The following CACNA1C variants were observed in gnomAD, a reference collection of about 807,000 sequenced individuals.
The protein encoded by CACNA1C is voltage-dependent L-type calcium channel subunit alpha-1C.
A neutral mutation model predicts 229.0 loss-of-function variants in CACNA1C; 30 were observed. The observed-to-expected ratio is 0.13, with a 90% CI of 0.10 to 0.18. CACNA1C has a LOEUF of 0.18. Among genes scored for constraint, CACNA1C ranks in the 10% least tolerant of loss-of-function variants. The probability of loss-of-function intolerance (pLI) is 1.00; values close to 1 mark genes in which losing one functional copy is unlikely to be tolerated. For synonymous variants in CACNA1C, 1,114 were observed against 1,132.5 expected, an observed-to-expected ratio of 0.98 and a Z score of 0.33; for missense variants, 1,658 against 2,845.0, an observed-to-expected ratio of 0.58 and a Z score of 9.49.
intron 3 of CACNA1C, among the ~76,000 whole-genome samples, chr12:2,372,159 C>T (rs2097886631): frequency 6.6e-6 from 1 of 152,102 alleles, no homozygotes; most frequent in Non-Finnish European, 1.5e-5. Context: ...ACAGATGGGA[C>T]CCCCAAGTTT....
rs189961135 is a variant in CACNA1C, at chr12:2,589,336, T to G, written c.2530+3432T>G. Reference sequence around the variant, plus strand: ...GGGGATACTCAGGGGTCAGGCTGCTTTGACTGTGTGGTCAGCAAAGGCTTC... The same window carrying G: ...GGGGATACTCAGGGGTCAGGCTGCTGTGACTGTGTGGTCAGCAAAGGCTTC... On this transcript the variant is annotated intron_variant, in intron 18 of 46. Transcript: ENST00000399655. Among the ~76,000 whole-genome samples the G allele has an allele frequency of 1.6e-3, 241 of 152,332 alleles. 1 individual carries two copies. The highest frequency in any genetic ancestry group is 5.6e-3 in the African/African-American group (233 of 41,570).
At chr12:2,222,088 A>G (rs960519299) in intron 3 of CACNA1C, 1 of 152,226 alleles carries the variant, frequency 6.6e-6, no homozygotes, top group Non-Finnish European at 1.5e-5. Flanking sequence ...CAAAATTACA[A>G]ATTATTTTAT....
intron 3 of CACNA1C, among the ~76,000 whole-genome samples, chr12:2,431,979 A>G (rs2099090133): frequency 6.6e-6 from 1 of 152,222 alleles, no homozygotes; most frequent in East Asian, 1.9e-4. Context: ...ACCAGAGGAT[A>G]AGGCCGTGAA....
In CACNA1C at chr12:1,971,137, G is replaced by A; in HGVS notation, c.75G>A (p.Glu25=). The change falls in exon 1 of 47, where the codon GAG becomes GAA. Residue 25 remains glutamate, a synonymous_variant. Transcript: ENST00000682462. The surrounding 1 kb of genome is among the most constrained non-coding windows in gnomAD (Gnocchi z 4.2). ...CCAGCCACCTGTCTGCCAACACGGA[G>A]GTCAAGTTTAAGGGTACTTTGGTGC... The A allele has an allele frequency of 7.8e-7, 1 of 1,289,408 alleles. No individual in the cohort carries two copies. The highest frequency in any genetic ancestry group is 1.0e-6 in the Non-Finnish European group (1 of 988,530). 79.9% of individuals were successfully genotyped at this position (1,289,408 alleles called of 1,614,324 possible). A position where few individuals can be genotyped will look rare whatever the true frequency, so the allele number is the denominator to read the frequency against.
intron 3 of CACNA1C, among the ~76,000 whole-genome samples, chr12:2,235,147 C>T (rs1256341352): frequency 6.6e-6 from 1 of 152,242 alleles, no homozygotes; most frequent in Non-Finnish European, 1.5e-5. Flanking sequence ...CTCCCAGCCC[C>T]TTCGGCCTGC....
chr12:2,377,818 C>A (rs1297902931), intron 3 of CACNA1C, among the ~76,000 whole-genome samples: 1 of 152,200 alleles, frequency 6.6e-6, no homozygotes, highest in Non-Finnish European at 1.5e-5. Context: ...CCTGGAGCTC[C>A]TTCTGCTTCT....
chr12:2,532,768 A>G (rs2099844208), intron 9 of CACNA1C, among the ~76,000 whole-genome samples: 1 of 152,170 alleles, frequency 6.6e-6, no homozygotes, highest in Non-Finnish European at 1.5e-5. Context: ...GAATCCTCCT[A>G]GAATTTAAGA....
At chr12:2,606,895 C>A in intron 25 of CACNA1C, 89 bp from the exon 26 acceptor site, 1 of 1,464,770 alleles carries the variant, frequency 6.8e-7, no homozygotes, top group South Asian at 1.2e-5. Flanking sequence ...CAGGCAGTCC[C>A]ATCCCACCCA....
rs2154498850 is a variant in CACNA1C at position 2,323,438 on chromosome 12, A to C, written c.478-125538A>C. On this transcript the variant is annotated intron_variant, in intron 3 of 46. Coordinates refer to ENST00000399655, the MANE Select transcript of CACNA1C (RefSeq NM_000719.7). The stretch of plus-strand genomic sequence containing the variant: ...AGGAAGTTGGGCCTGTTTGTGGAAT[A>C]GGAAAATAGTGGCAGAATCTGAGAG... Among the ~76,000 whole-genome samples the C allele has an allele frequency of 1.3e-5, 2 of 152,288 alleles. 1 individual carries two copies. Among genetic ancestry groups the C allele is most frequent in the Middle Eastern group, 6.8e-3 (2 of 294 alleles).
chr12:2,441,678 G>A (rs529021939), intron 3 of CACNA1C, among the ~76,000 whole-genome samples: 2 of 152,032 alleles, frequency 1.3e-5, no homozygotes, highest in Admixed American at 6.5e-5. Flanking sequence ...CAAGAAAAAC[G>A]AAAAAAACAC....
At chr12:2,124,454 G>A (rs1325869645) in intron 3 of CACNA1C, among the ~76,000 whole-genome samples, 1 of 152,188 alleles carries the variant, frequency 6.6e-6, no homozygotes, top group Non-Finnish European at 1.5e-5. Flanking sequence ...AAGGGGTGCT[G>A]GTTTTGAGGG....
intron 18 of CACNA1C, among the ~76,000 whole-genome samples, chr12:2,587,463 C>G (rs1436329743): frequency 6.6e-6 from 1 of 152,254 alleles, no homozygotes; most frequent in South Asian, 2.1e-4. Flanking sequence ...TCTTTTCACA[C>G]AGGCACCCAG....
intron 3 of CACNA1C, among the ~76,000 whole-genome samples, chr12:2,332,478 G>C (rs1282168129): frequency 6.6e-6 from 1 of 152,216 alleles, no homozygotes; most frequent in Non-Finnish European, 1.5e-5. Context: ...GGAAAGACTT[G>C]GCCAGACTTT....
chr12:2,484,027 C>T (rs1315691303), intron 5 of CACNA1C, among the ~76,000 whole-genome samples: 1 of 152,178 alleles, frequency 6.6e-6, no homozygotes, highest in Non-Finnish European at 1.5e-5. Flanking sequence ...CAAGCCAGGC[C>T]TTAGCAACAA....
intron 3 of CACNA1C, among the ~76,000 whole-genome samples, chr12:2,167,921 C>T (rs937085275): frequency 6.6e-6 from 1 of 152,190 alleles, no homozygotes; most frequent in African/African-American, 2.4e-5. Context: ...CTCTCTAGTG[C>T]ATGCAAATAG....
chr12:1,987,987 A>G (rs533543934), intron 1 of CACNA1C, among the ~76,000 whole-genome samples: 4 of 152,322 alleles, frequency 2.6e-5, no homozygotes, highest in East Asian at 1.9e-4. Context: ...TTTTTCTTGG[A>G]TACCATTCCT....
At chr12:2,620,664 G>C (rs2082759864) in intron 29 of CACNA1C, among the ~76,000 whole-genome samples, 3 of 152,224 alleles carry the variant, frequency 2.0e-5, no homozygotes, top group Admixed American at 2.0e-4. Context: ...TTTCAGGAGA[G>C]GGGTAGTCAG....
intron 43 of CACNA1C, among the ~76,000 whole-genome samples, chr12:2,683,580 C>T (rs1352756207): frequency 1.1e-4 from 17 of 152,194 alleles, no homozygotes; most frequent in Admixed American, 1.1e-3. Flanking sequence ...GGGTTTTCCC[C>T]AGGGGGTAAT....
chr12:2,515,498 G>A (rs1212468455), intron 9 of CACNA1C, among the ~76,000 whole-genome samples: 6 of 152,186 alleles, frequency 3.9e-5, no homozygotes, highest in Non-Finnish European at 7.3e-5. Context: ...CTTAGCCTTT[G>A]AAATTTCTAA....
Sources: gnomAD v4.1 joint callset for allele counts (sites outside exome capture counted in the v4.1 genomes callset) on GRCh38, gnomAD v4.1.1 for gene constraint, Gnocchi (gnomAD v3.1) non-coding constraint, MANE v1.5 for transcripts, NCBI Gene and HGNC (gene_info 2026-07-23, HGNC 2026-07-21) for gene names.